The following RNF138 variants were observed in gnomAD, a reference collection of about 807,000 sequenced individuals.
RNF138 encodes ring finger protein 138, also known as E3 ubiquitin-protein ligase RNF138.
In RNF138, 12 loss-of-function variants were observed where a neutral mutation model predicts 31.0. The ratio of observed to expected loss-of-function variants is 0.39; its 90% CI spans 0.25 to 0.63. The LOEUF (loss-of-function observed/expected upper bound fraction) is 0.63. RNF138 is among the 20% of genes least tolerant of loss of function. The pLI is 0.52. For synonymous variants in RNF138, 105 were observed against 99.5 expected (o/e 1.06, Z -0.33); for missense variants, 192 against 300.1 (o/e 0.64, Z 2.66).
chr18:32,111,446 C>T (rs1223913843), intron 2 of RNF138, among the ~76,000 whole-genome samples: 1 of 152,140 alleles, frequency 6.6e-6, no homozygotes, highest in Admixed American at 6.6e-5. Flanking sequence ...CCGGTTTTTC[C>T]TTTGTACCAT....
At chr18:32,127,009 GAGAGAGAATTAATAAGAGTAAC>G in intron 7 of RNF138, among the ~76,000 whole-genome samples, 1 of 152,176 alleles carries the variant, frequency 6.6e-6, no homozygotes, top group East Asian at 1.9e-4. Flanking sequence ...TCCTGTACTA[GAGAGAGAATTAATAAGAGTAAC>G]AGCAAGCACC....
chr18:32,121,361 G>A (rs2144275570), intron 4 of RNF138, among the ~76,000 whole-genome samples: 1 of 151,612 alleles, frequency 6.6e-6, no homozygotes, highest in East Asian at 2.0e-4. Flanking sequence ...CGGGTGTGGT[G>A]GTACATGCCG....
chr18:32,100,133 G>T (rs1004143106), intron 2 of RNF138, among the ~76,000 whole-genome samples: 1 of 151,994 alleles, frequency 6.6e-6, no homozygotes, highest in Non-Finnish European at 1.5e-5. Flanking sequence ...ACTGTTAGGT[G>T]CCAGGGATAT....
chr18:32,126,024 G>T (rs531036167), intron 6 of RNF138, among the ~76,000 whole-genome samples: 100 of 152,282 alleles, frequency 6.6e-4, no homozygotes, highest in Non-Finnish European at 1.1e-3. Context: ...ACTTTGGCTA[G>T]AGTTTAATTA....
chr18:32,093,691 C>T lies in RNF138; in HGVS notation c.110+805C>T, dbSNP rs1349816559. On this transcript the variant is annotated intron_variant, in intron 2 of 7. Coordinates refer to ENST00000261593, the MANE Select transcript of RNF138 (RefSeq NM_016271.5). Reference sequence around the variant, plus strand: ...ATGCTACCCAGGGTGGGGGAGAACACAAAGGGGTTGGGTGAGATAACGCAT... The same window carrying T: ...ATGCTACCCAGGGTGGGGGAGAACATAAAGGGGTTGGGTGAGATAACGCAT... Among the ~76,000 whole-genome samples the T allele has an allele frequency of 2.6e-5, 4 of 152,088 alleles. No individual in the cohort carries two copies. In the South Asian group the frequency reaches 8.3e-4, roughly 32 times the overall value.
Position 32,092,870 on chromosome 18 carries a change from A to T in RNF138, c.94A>T (p.Thr32Ser), listed in dbSNP as rs780166210. 6.3e-7 allele frequency: 1 copy of T among 1,578,032 alleles called. No individual in the cohort carries two copies. Among genetic ancestry groups the T allele is most frequent in the Non-Finnish European group, 8.6e-7 (1 of 1,164,456 alleles). The change falls in exon 2 of 8, where the codon ACG becomes TCG. Residue 32 changes from threonine (T) to serine (S), a missense_variant. Coordinates refer to ENST00000261593, the MANE Select transcript of RNF138 (RefSeq NM_016271.5). ...GGTGCTCAAAACGCCCGTGCGGACC[A>T]CGGCCTGTCAGCACGTGTGAGTAGA... is the stretch of plus-strand genomic sequence containing the variant. The part of the protein sequence containing the change: ...QEVLKTPVRT[T>S]ACQHVFCRKC...
intron 4 of RNF138, among the ~76,000 whole-genome samples, chr18:32,114,284 G>A (rs2040180671): frequency 6.6e-6 from 1 of 152,134 alleles, no homozygotes. Context: ...AAAATGTCAT[G>A]TAAAAATGAA....
chr18:32,119,456 ACT>A (rs1357673395), intron 4 of RNF138, among the ~76,000 whole-genome samples: 8 of 151,800 alleles, frequency 5.3e-5, no homozygotes, highest in African/African-American at 1.9e-4. Context: ...ACAGAGTCTA[ACT>A]CTGTCTCTCA....
intron 7 of RNF138, among the ~76,000 whole-genome samples, chr18:32,128,285 C>G (rs1444248919): frequency 1.3e-5 from 2 of 152,186 alleles, no homozygotes; most frequent in Non-Finnish European, 2.9e-5. Context: ...TGCCTGTCAT[C>G]CCAGTACTGT....
chr18:32,097,724 T>C (rs1269466327), intron 2 of RNF138, among the ~76,000 whole-genome samples: 2 of 152,090 alleles, frequency 1.3e-5, no homozygotes, highest in South Asian at 2.1e-4. Flanking sequence ...GGTTTCACTA[T>C]ATTGGCCAGG....
intron 1 of RNF138, 187 bp from the exon 2 acceptor site, chr18:32,092,513 G>T (rs2039710958): frequency 2.2e-6 from 1 of 453,532 alleles, no homozygotes; most frequent in East Asian, 4.6e-5. Flanking sequence ...TGCGAGCCCA[G>T]CCTCCCGCCA....
chr18:32,117,354 T>C (rs1026386663), intron 4 of RNF138, among the ~76,000 whole-genome samples: 3 of 151,982 alleles, frequency 2.0e-5, no homozygotes, highest in Non-Finnish European at 2.9e-5. Context: ...ACTATATAAG[T>C]AGGGTATAGG....
At chr18:32,106,959 CAT>C (rs2144586331) in intron 2 of RNF138, among the ~76,000 whole-genome samples, 1 of 152,136 alleles carries the variant, frequency 6.6e-6, no homozygotes, top group East Asian at 1.9e-4. Context: ...ATTCTGCTGA[CAT>C]ATTTTTTAGC....
chr18:32,127,964 C>T (rs981064086), intron 7 of RNF138, among the ~76,000 whole-genome samples: 5 of 152,130 alleles, frequency 3.3e-5, no homozygotes, highest in Non-Finnish European at 7.3e-5. Flanking sequence ...CCTATAGTCC[C>T]AGCTACTCGG....
intron 4 of RNF138, among the ~76,000 whole-genome samples, chr18:32,117,778 G>A (rs1263120529): frequency 6.6e-6 from 1 of 152,172 alleles, no homozygotes; most frequent in African/African-American, 2.4e-5. Flanking sequence ...TTGCATTGGT[G>A]TGGGGTAGTT....
At chr18:32,095,742 A>T (rs541050271) in intron 2 of RNF138, among the ~76,000 whole-genome samples, 42 of 152,334 alleles carry the variant, frequency 2.8e-4, no homozygotes, top group African/African-American at 1.0e-3. Context: ...TTACTAAAAT[A>T]TAAACTCCCG....
chr18:32,114,044 C>T (rs1006065458), intron 4 of RNF138, 184 bp downstream of exon 4: 1 of 402,872 alleles, frequency 2.5e-6, no homozygotes, highest in Non-Finnish European at 4.4e-6. Flanking sequence ...CACGTAAGCT[C>T]TCATCTGGGA....
chr18:32,103,989 G>C (rs1197272818), intron 2 of RNF138, among the ~76,000 whole-genome samples: 1 of 148,392 alleles, frequency 6.7e-6, no homozygotes, highest in Non-Finnish European at 1.5e-5. Context: ...AAACTTCATA[G>C]CAAATTAGGA....
At chr18:32,104,147 G>A (rs1460387452) in intron 2 of RNF138, among the ~76,000 whole-genome samples, 1 of 151,050 alleles carries the variant, frequency 6.6e-6, no homozygotes, top group East Asian at 2.0e-4. Flanking sequence ...CCAAATAGTT[G>A]GGATTACAGG....
Sources: gnomAD v4.1 joint callset for allele counts (sites outside exome capture counted in the v4.1 genomes callset) on GRCh38, gnomAD v4.1.1 for gene constraint, MANE v1.5 for transcripts, NCBI Gene and HGNC (gene_info 2026-07-23, HGNC 2026-07-21) for gene names.